Variants in CCSER2 observed in about 807,000 individuals in gnomAD.
CCSER2 encodes the protein serine-rich coiled-coil domain-containing protein 2.
Under a neutral mutation model 92.3 loss-of-function variants are expected in CCSER2, and 46 were observed. The ratio of observed to expected loss-of-function variants is 0.50; its 90% CI spans 0.39 to 0.64. The LOEUF (loss-of-function observed/expected upper bound fraction) is 0.64, where lower values mean the gene tolerates loss of function less well. Ranked by LOEUF, CCSER2 falls within the 30% of genes least tolerant of loss-of-function variation. The pLI, the probability that CCSER2 is intolerant of heterozygous loss-of-function variation, is 0.00. For synonymous variants in CCSER2, 433 were observed against 431.4 expected (o/e 1.00, Z -0.04); for missense variants, 1,244 against 1,238.9 (o/e 1.00, Z -0.06).
chr10:84,480,343 A>C (rs1204842973), intron 9 of CCSER2, among the ~76,000 whole-genome samples: 2 of 152,182 alleles, frequency 1.3e-5, no homozygotes, highest in Non-Finnish European at 2.9e-5. Flanking sequence ...ATTTTAAATT[A>C]CTGAGAAAAA....
At chr10:84,339,051 G>A (rs1844016850) in intron 1 of CCSER2, among the ~76,000 whole-genome samples, 1 of 150,910 alleles carries the variant, frequency 6.6e-6, no homozygotes, top group Admixed American at 6.6e-5. Flanking sequence ...TTCTGTTTTT[G>A]CTAAAAAAAA....
At chr10:84,380,643 C>T (rs1442782396) in intron 3 of CCSER2, among the ~76,000 whole-genome samples, 1 of 151,616 alleles carries the variant, frequency 6.6e-6, no homozygotes, top group African/African-American at 2.4e-5. Flanking sequence ...GTTAAAACTT[C>T]ACCTCTGTCA....
intron 3 of CCSER2, among the ~76,000 whole-genome samples, chr10:84,409,323 A>T (rs7919194): frequency 0.026 from 3,862 of 150,580 alleles, 152 homozygotes; most frequent in African/African-American, 0.087. Context: ...TTTTTTTTGT[A>T]GAGATGGGAT....
intron 5 of CCSER2, among the ~76,000 whole-genome samples, chr10:84,438,170 C>G (rs1331080766): frequency 1.3e-5 from 2 of 152,126 alleles, no homozygotes; most frequent in Non-Finnish European, 1.5e-5. Flanking sequence ...AAGTTAAAAA[C>G]TAATGAACAA....
chr10:84,493,683 C>T (rs1848292269), intron 9 of CCSER2, among the ~76,000 whole-genome samples: 1 of 152,156 alleles, frequency 6.6e-6, no homozygotes, highest in Non-Finnish European at 1.5e-5. Context: ...AGTCCCCAAC[C>T]TTTTTGACAT....
In CCSER2 at chr10:84,464,034, T is replaced by TA; in HGVS notation, c.2148+18_2148+19insA. ...TATATAAGGTATGACTATGTAGTCA[T>TA]GCTGGATTTTTCAAAATTCTTTTTA... On this transcript the variant is annotated intron_variant, in intron 7 of 9. Coordinates refer to ENST00000372088, the MANE Select transcript of CCSER2 (RefSeq NM_001284240.2). 1.4e-6 allele frequency: 2 copies of TA among 1,431,880 alleles called. No individual in the cohort carries two copies. Among genetic ancestry groups the TA allele is most frequent in the East Asian group, 2.3e-5 (1 of 43,158 alleles). 88.7% of individuals were successfully genotyped at this position (1,431,880 alleles called of 1,614,324 possible).
In CCSER2 at chr10:84,468,077, GT is replaced by G. The variant is rs528006292; in HGVS notation, c.2149-2292del. Among the ~76,000 whole-genome samples, 360 of 152,264 alleles carry G rather than the reference GT, an allele frequency of 2.4e-3. 1 individual carries two copies. Among genetic ancestry groups the G allele is most frequent in the African/African-American group, 8.3e-3 (344 of 41,536 alleles). On this transcript the variant is annotated intron_variant, in intron 7 of 9. Coordinates refer to ENST00000372088, the MANE Select transcript of CCSER2 (RefSeq NM_001284240.2). ...CTCTCTGTGATCTGGCCCTTGCATAGTTTACTAGCCAATTGCTTCTCAACAT... is the reference window on the plus strand; with the variant it reads ...CTCTCTGTGATCTGGCCCTTGCATAGTTACTAGCCAATTGCTTCTCAACAT...
intron 9 of CCSER2, among the ~76,000 whole-genome samples, chr10:84,498,184 G>A (rs192488786): frequency 5.9e-5 from 9 of 152,312 alleles, no homozygotes; most frequent in Admixed American, 4.6e-4. Context: ...ACAGTGGGTA[G>A]AAGCTTGGTT....
chr10:84,496,379 G>A (rs1191490990), intron 9 of CCSER2, among the ~76,000 whole-genome samples: 2 of 152,048 alleles, frequency 1.3e-5, no homozygotes, highest in African/African-American at 4.8e-5. Flanking sequence ...TCCGCCTCCT[G>A]GGTTCATGCT....
intron 5 of CCSER2, 139 bp from the exon 6 acceptor site, chr10:84,438,373 C>G (rs1415431775): frequency 1.9e-6 from 1 of 540,504 alleles, no homozygotes; most frequent in African/African-American, 1.9e-5. Flanking sequence ...ACATCAGTGA[C>G]TGAGGTGAGT....
At position 84,477,609 on chromosome 10, in the gene CCSER2, A is replaced by T. The variant is rs1333684338; in HGVS notation, c.2270A>T (p.Glu757Val). The T allele has an allele frequency of 6.2e-7, 1 of 1,612,686 alleles. No individual in the cohort carries two copies. The highest frequency in any genetic ancestry group is 1.1e-5 in the South Asian group (1 of 90,906). The change falls in exon 9 of 10, where the codon GAG becomes GTG. Residue 757 changes from glutamate to valine, a missense_variant. Physicochemically the swap from Glu to Val is moderately radical, Grantham distance 121 (BLOSUM62 -2). Coordinates refer to ENST00000372088, the MANE Select transcript of CCSER2 (RefSeq NM_001284240.2). Reference protein sequence around the residue: ...TQHICHQKCKEEKCTYADKYT... With the variant: ...TQHICHQKCKVEKCTYADKYT... ...CATATCTGCCACCAAAAATGTAAAGAGGAAAAATGCACTTATGCTGATAAA... is the reference window on the plus strand; with the variant it reads ...CATATCTGCCACCAAAAATGTAAAGTGGAAAAATGCACTTATGCTGATAAA...
intron 9 of CCSER2, among the ~76,000 whole-genome samples, chr10:84,502,880 G>A (rs1057196007): frequency 2.0e-5 from 3 of 152,064 alleles, no homozygotes; most frequent in East Asian, 1.9e-4. Context: ...TTTAGCCCTC[G>A]TCACTCTAGA....
chr10:84,518,182 T>C lies in CCSER2; in HGVS notation c.*3915T>C, dbSNP rs1275647200. The C allele has an allele frequency of 6.6e-6, 1 of 152,246 alleles. No homozygotes were observed. Among genetic ancestry groups the C allele is most frequent in the Non-Finnish European group, 1.5e-5 (1 of 68,042 alleles). The allele number at this position is 152,246 out of a possible 1,614,324, so 9.4% of individuals were successfully genotyped here. A position where few individuals can be genotyped will look rare whatever the true frequency, so the allele number is the denominator to read the frequency against. Reference sequence around the variant, plus strand: ...GCTGCAGCAATTTGAGAGAGTACTTTTGATTAAATGATTCTGATGGTGGGC... The same window carrying C: ...GCTGCAGCAATTTGAGAGAGTACTTCTGATTAAATGATTCTGATGGTGGGC... On this transcript the variant is annotated 3_prime_UTR_variant, in exon 10 of 10. Coordinates refer to ENST00000372088, the MANE Select transcript of CCSER2 (RefSeq NM_001284240.2).
At chr10:84,375,299 A>C (rs146467286) in intron 3 of CCSER2, among the ~76,000 whole-genome samples, 1 of 152,272 alleles carries the variant, frequency 6.6e-6, no homozygotes, top group African/African-American at 2.4e-5. Flanking sequence ...TTGGTATGGG[A>C]AGAAAAAAAC....
chr10:84,355,852 C>T (rs751663754), intron 1 of CCSER2, among the ~76,000 whole-genome samples: 1 of 152,120 alleles, frequency 6.6e-6, no homozygotes, highest in Non-Finnish European at 1.5e-5. Context: ...CCTGTAATCC[C>T]AGCACTTTTG....
At chr10:84,472,893 A>T (rs1193595072) in intron 8 of CCSER2, 1 of 152,168 alleles carries the variant, frequency 6.6e-6, no homozygotes, top group East Asian at 1.9e-4. Flanking sequence ...AGATTTTCTC[A>T]GTTGTTCCAA....
rs537883943 is a variant in CCSER2, at chr10:84,410,978, G to A, written c.1615-6793G>A. Among the ~76,000 whole-genome samples the A allele has an allele frequency of 8.5e-5, 13 of 152,222 alleles. No homozygotes were observed. The South Asian group carries it at 1.2e-3, about 15-fold the overall frequency. ...AAGAAGTCCAGTTTCAATTTTCTGC[G>A]TATGACCAGCCAGTTCTTCCAGCAC... On this transcript the variant is annotated intron_variant, in intron 3 of 9. Transcript: ENST00000372088.
intron 9 of CCSER2, among the ~76,000 whole-genome samples, chr10:84,499,200 A>G (rs922329439): frequency 9.2e-5 from 14 of 152,088 alleles, no homozygotes; most frequent in Non-Finnish European, 2.1e-4. Context: ...CAGTGGCGTC[A>G]TCTCGGCTCA....
intron 9 of CCSER2, among the ~76,000 whole-genome samples, chr10:84,508,836 C>T (rs914641060): frequency 6.6e-6 from 1 of 152,172 alleles, no homozygotes; most frequent in African/African-American, 2.4e-5. Flanking sequence ...TTGAACTCAT[C>T]ATTCTTATAT....
Sources: gnomAD v4.1 joint callset for allele counts (sites outside exome capture counted in the v4.1 genomes callset) on GRCh38, gnomAD v4.1.1 for gene constraint, MANE v1.5 for transcripts, NCBI Gene and HGNC (gene_info 2026-07-23, HGNC 2026-07-21) for gene names.